C8orf34: variants seen among roughly 807,000 people sequenced by gnomAD.
C8orf34 encodes the protein uncharacterized protein C8orf34.
In C8orf34, 65 loss-of-function variants were observed where a neutral mutation model predicts 68.3. The ratio of observed to expected loss-of-function variants is 0.95; its 90% CI spans 0.78 to 1.17. The LOEUF (loss-of-function observed/expected upper bound fraction) is 1.17, where lower values mean the gene tolerates loss of function less well. Among genes scored for constraint, C8orf34 ranks in the 50% most tolerant of loss-of-function variants. The pLI, the probability that C8orf34 is intolerant of heterozygous loss-of-function variation, is 0.00. For synonymous variants in C8orf34, 244 were observed against 241.2 expected, an observed-to-expected ratio of 1.01 and a Z score of -0.11; for missense variants, 664 against 655.4, an observed-to-expected ratio of 1.01 and a Z score of -0.14.
rs1213214403 is a variant in C8orf34, at chr8:68,747,745, C to G, written c.1404+26308C>G. Among the ~76,000 whole-genome samples the G allele has an allele frequency of 9.5e-4, 144 of 151,652 alleles. 4 individuals carry two copies. In the South Asian group the frequency reaches 0.011, roughly 11 times the overall value. The stretch of plus-strand genomic sequence containing the variant: ...TCAAGGAAATAAAAGAGGATACAAA[C>G]AAATGGAAGAACATTCCATGCTCAT... On this transcript the variant is annotated intron_variant, in intron 10 of 13. Transcript: ENST00000518698.
chr8:68,572,025 C>T (rs527294270), intron 7 of C8orf34, among the ~76,000 whole-genome samples: 3 of 152,046 alleles, frequency 2.0e-5, no homozygotes, highest in Non-Finnish European at 4.4e-5. Context: ...TAGCTTATTG[C>T]CTCTAGGCTA....
rs969161072 is a variant in C8orf34, at chr8:68,495,271, A to G, written c.765+7220A>G. Among the ~76,000 whole-genome samples the G allele has an allele frequency of 3.3e-5, 5 of 151,232 alleles. No individual in the cohort carries two copies. In the South Asian group the frequency reaches 6.2e-4, roughly 19 times the overall value. On this transcript the variant is annotated intron_variant, in intron 5 of 13. Transcript: ENST00000518698. ...TTGAAACTTTAAATAGACATGTAAC[A>G]ATAATATATATATATATATAATAAC...
intron 7 of C8orf34, among the ~76,000 whole-genome samples, chr8:68,614,112 C>T: frequency 6.6e-6 from 1 of 152,112 alleles, no homozygotes. Context: ...TGTTCATGTC[C>T]TTCGCCCACT....
intron 1 of C8orf34, among the ~76,000 whole-genome samples, chr8:68,406,945 G>C (rs2591014): frequency 0.086 from 13,091 of 152,192 alleles, 665 homozygotes; most frequent in Middle Eastern, 0.12. Flanking sequence ...TCACAGAGAG[G>C]AGAGTAAACC....
chr8:68,377,525 T>A (rs543978162), intron 1 of C8orf34, among the ~76,000 whole-genome samples: 5 of 152,188 alleles, frequency 3.3e-5, no homozygotes, highest in Admixed American at 6.5e-5. Flanking sequence ...GTTTCAGTTA[T>A]AATCTTAGTA....
Position 68,446,448 on chromosome 8 carries a change from G to A in C8orf34, c.595G>A (p.Asp199Asn). Residue 199 changes from aspartate to asparagine, a missense_variant, in exon 3 of 14, where the codon GAC becomes AAC. Transcript: ENST00000518698. ...GTCTAATATTTCTCCACCATCACCG[G>A]ACTCCAAATCATGTAAGGAAGTCTC... ...AVSNISPPSPDSKSLPRSVEH... is the reference protein window; with the variant it reads ...AVSNISPPSPNSKSLPRSVEH... 1 of 1,612,088 alleles carries A rather than the reference G, an allele frequency of 6.2e-7. No homozygotes were observed. The highest frequency in any genetic ancestry group is 8.5e-7 in the Non-Finnish European group (1 of 1,179,238).
At chr8:68,505,547 A>C (rs547237383) in intron 5 of C8orf34, among the ~76,000 whole-genome samples, 2 of 135,004 alleles carry the variant, frequency 1.5e-5, no homozygotes, top group Admixed American at 6.9e-5. Context: ...CTGGCTAACA[A>C]GGTGAAACCC....
At chr8:68,669,274 G>C (rs1264051536) in intron 8 of C8orf34, among the ~76,000 whole-genome samples, 1 of 151,988 alleles carries the variant, frequency 6.6e-6, no homozygotes, top group Non-Finnish European at 1.5e-5. Flanking sequence ...ATGTTGGAGG[G>C]GAGAGCAGGA....
At chr8:68,489,154 T>C (rs992429445) in intron 5 of C8orf34, among the ~76,000 whole-genome samples, 1 of 152,234 alleles carries the variant, frequency 6.6e-6, no homozygotes, top group Non-Finnish European at 1.5e-5. Context: ...TACATTTTCA[T>C]ATCTGCTTCT....
chr8:68,736,473 G>A (rs535851076), intron 10 of C8orf34, among the ~76,000 whole-genome samples: 1 of 152,202 alleles, frequency 6.6e-6, no homozygotes, highest in East Asian at 1.9e-4. Context: ...AGGTGGCAGT[G>A]TAGCTTGCAA....
intron 10 of C8orf34, among the ~76,000 whole-genome samples, chr8:68,745,203 C>G (rs140539116): frequency 0.022 from 3,362 of 151,946 alleles, 117 homozygotes; most frequent in African/African-American, 0.076. Flanking sequence ...TTGTCACCAC[C>G]AGGCCTGCCC....
intron 8 of C8orf34, among the ~76,000 whole-genome samples, chr8:68,678,519 T>C (rs1820263218): frequency 6.6e-6 from 1 of 152,126 alleles, no homozygotes; most frequent in African/African-American, 2.4e-5. Context: ...AAAGAAAGCA[T>C]TTGATAAAAT....
Position 68,368,517 on chromosome 8 carries a change from T to C in C8orf34, c.327+37178T>C, listed in dbSNP as rs1321127411. Reference sequence around the variant, plus strand: ...TTGCTAGTTAAGACCTTTAATATTATGCTGAAGAGAGTGGTAAACTTCATA... The same window carrying C: ...TTGCTAGTTAAGACCTTTAATATTACGCTGAAGAGAGTGGTAAACTTCATA... On this transcript the variant is annotated intron_variant, in intron 1 of 13. Transcript: ENST00000518698. Among the ~76,000 whole-genome samples, 4 of 152,186 alleles carry C rather than the reference T, an allele frequency of 2.6e-5. No homozygotes were observed. The East Asian group carries it at 7.7e-4, about 29-fold the overall frequency.
At chr8:68,600,854 A>G (rs1817677177) in intron 7 of C8orf34, among the ~76,000 whole-genome samples, 1 of 152,156 alleles carries the variant, frequency 6.6e-6, no homozygotes, top group Non-Finnish European at 1.5e-5. Flanking sequence ...AAACCTTAGA[A>G]CTTGCTCCTT....
At chr8:68,773,268 T>C (rs1395951823) in intron 10 of C8orf34, among the ~76,000 whole-genome samples, 2 of 152,206 alleles carry the variant, frequency 1.3e-5, no homozygotes, top group East Asian at 3.9e-4. Context: ...GGCCATCTTT[T>C]CTGACCCATC....
At chr8:68,356,990 T>C (rs967186477) in intron 1 of C8orf34, among the ~76,000 whole-genome samples, 1 of 152,142 alleles carries the variant, frequency 6.6e-6, no homozygotes, top group Non-Finnish European at 1.5e-5. Context: ...TATCTATTCG[T>C]ATGAAGTGAA....
At chr8:68,483,116 A>G (rs1812930017) in intron 4 of C8orf34, among the ~76,000 whole-genome samples, 1 of 152,220 alleles carries the variant, frequency 6.6e-6, no homozygotes, top group Non-Finnish European at 1.5e-5. Context: ...TCCGTTTCCT[A>G]TAACTACAAC....
intron 6 of C8orf34, chr8:68,525,403 A>G (rs1204338140): frequency 5.6e-6 from 2 of 356,774 alleles, no homozygotes; most frequent in African/African-American, 4.2e-5. Context: ...CACAAAAATT[A>G]TACCTCATAA....
chr8:68,643,979 T>C (rs527754878), intron 8 of C8orf34, among the ~76,000 whole-genome samples: 4 of 152,308 alleles, frequency 2.6e-5, no homozygotes, highest in African/African-American at 9.6e-5. Flanking sequence ...CTTAGCTTCA[T>C]TCATTTATAC....
Sources: gnomAD v4.1 joint callset for allele counts (sites outside exome capture counted in the v4.1 genomes callset) on GRCh38, gnomAD v4.1.1 for gene constraint, MANE v1.5 for transcripts, NCBI Gene and HGNC (gene_info 2026-07-23, HGNC 2026-07-21) for gene names.